SUGCT: variants seen among roughly 807,000 people sequenced by gnomAD.
SUGCT encodes the protein succinyl-CoA:glutarate-CoA transferase, also known as succinyl-CoA:glutarate CoA-transferase.
A neutral mutation model predicts 55.0 loss-of-function variants in SUGCT; 41 were observed. The ratio of observed to expected loss-of-function variants is 0.74; its 90% confidence interval spans 0.58 to 0.97. The LOEUF (loss-of-function observed/expected upper bound fraction) is 0.97, where lower values mean the gene tolerates loss of function less well. Ranked by LOEUF, SUGCT falls within the 50% of genes least tolerant of loss-of-function variation. SUGCT has a pLI of 0.00. For synonymous variants in SUGCT, 187 were observed against 200.4 expected (o/e 0.93, Z 0.56); for missense variants, 568 against 547.8 (o/e 1.04, Z -0.37).
At chr7:40,743,414 T>C (rs778114495) in intron 12 of SUGCT, among the ~76,000 whole-genome samples, 40 of 152,312 alleles carry the variant, frequency 2.6e-4, no homozygotes, top group Non-Finnish European at 5.7e-4. Flanking sequence ...ATTCAGTAAA[T>C]GTTAATTGAG....
At chr7:40,153,696 T>C (rs2150616238) in intron 1 of SUGCT, 1 of 504,378 alleles carries the variant, frequency 2.0e-6, no homozygotes, top group Non-Finnish European at 4.0e-6. Flanking sequence ...CGTTATATTC[T>C]GGTGATAATA....
chr7:40,688,960 A>G (rs1562947340), intron 12 of SUGCT, among the ~76,000 whole-genome samples: 1 of 152,186 alleles, frequency 6.6e-6, no homozygotes, highest in Non-Finnish European at 1.5e-5. Flanking sequence ...AAAGAAATGG[A>G]TGTGTGTAAA....
At chr7:40,271,754 GA>G (rs1206500874) in intron 7 of SUGCT, among the ~76,000 whole-genome samples, 6 of 151,892 alleles carry the variant, frequency 4.0e-5, no homozygotes, top group Non-Finnish European at 8.8e-5. Context: ...TCACCGTACT[GA>G]TCTACTGAAC....
chr7:40,375,389 G>A (rs1784492163), intron 9 of SUGCT, among the ~76,000 whole-genome samples: 1 of 152,166 alleles, frequency 6.6e-6, no homozygotes, highest in Non-Finnish European at 1.5e-5. Flanking sequence ...AGACTTGTCT[G>A]AGTCCAGTGG....
At chr7:40,844,708 C>T (rs1409009203) in intron 13 of SUGCT, among the ~76,000 whole-genome samples, 1 of 152,194 alleles carries the variant, frequency 6.6e-6, no homozygotes, top group Non-Finnish European at 1.5e-5. Context: ...GAGGGTGGGG[C>T]CCTCGCCAGG....
intron 8 of SUGCT, among the ~76,000 whole-genome samples, chr7:40,298,462 A>G (rs966762339): frequency 6.6e-6 from 1 of 152,172 alleles, no homozygotes; most frequent in African/African-American, 2.4e-5. Flanking sequence ...ATTTGTTCTT[A>G]GGACCTTGGA....
intron 12 of SUGCT, among the ~76,000 whole-genome samples, chr7:40,711,532 A>G (rs1409395480): frequency 6.6e-6 from 1 of 152,124 alleles, no homozygotes; most frequent in African/African-American, 2.4e-5. Context: ...AAAGCTGGAA[A>G]TCAGGATTTT....
chr7:40,644,531 A>G (rs995674009), intron 12 of SUGCT, among the ~76,000 whole-genome samples: 1 of 152,090 alleles, frequency 6.6e-6, no homozygotes, highest in African/African-American at 2.4e-5. Context: ...TAAACTTCCT[A>G]CAGCTGTGTT....
intron 11 of SUGCT, among the ~76,000 whole-genome samples, chr7:40,480,781 A>G (rs1447716384): frequency 6.6e-6 from 1 of 151,894 alleles, no homozygotes; most frequent in East Asian, 1.9e-4. Flanking sequence ...TACTGTTCAT[A>G]TAACTGAGTA....
the SUGCT span, among the ~76,000 whole-genome samples, chr7:41,014,644 A>G: frequency 2.6e-5 from 4 of 152,212 alleles, no homozygotes; most frequent in African/African-American, 4.8e-5. Context: ...AGAGGTGTCA[A>G]ATTCAACAAT....
At chr7:40,159,137 C>A (rs1475184607) in intron 1 of SUGCT, among the ~76,000 whole-genome samples, 2 of 152,208 alleles carry the variant, frequency 1.3e-5, no homozygotes, top group East Asian at 3.9e-4. Context: ...TGAGGCCGGT[C>A]TCCAATTCCT....
rs980762207 is a variant in SUGCT, at chr7:40,312,143, G to A, written c.721-4617G>A. The stretch of plus-strand genomic sequence containing the variant: ...CAACCTCTGCTTCCCGGGTTCAAGC[G>A]ATTCTCGTGCCTCAGCCTCCCGAGT... On this transcript the variant is annotated intron_variant, in intron 8 of 13. Coordinates refer to ENST00000335693, the MANE Select transcript of SUGCT (RefSeq NM_001193313.2). Among the ~76,000 whole-genome samples the A allele has an allele frequency of 4.0e-5, 6 of 151,588 alleles. No homozygotes were observed. In the East Asian group the frequency reaches 9.7e-4, roughly 25 times the overall value.
chr7:40,972,575 C>G, the SUGCT span, among the ~76,000 whole-genome samples: 7 of 152,186 alleles, frequency 4.6e-5, no homozygotes, highest in Non-Finnish European at 8.8e-5. Flanking sequence ...AGGGAATCTA[C>G]TTCTGCTTTG....
chr7:40,373,058 A>G (rs1784365673), intron 9 of SUGCT, among the ~76,000 whole-genome samples: 1 of 151,990 alleles, frequency 6.6e-6, no homozygotes, highest in Non-Finnish European at 1.5e-5. Context: ...CATAGTAGTA[A>G]TTATTACTAA....
intron 12 of SUGCT, among the ~76,000 whole-genome samples, chr7:40,723,764 A>G (rs1786470164): frequency 6.6e-6 from 1 of 152,192 alleles, no homozygotes; most frequent in East Asian, 1.9e-4. Flanking sequence ...ACTATATCCC[A>G]TTAATTCAGA....
chr7:40,629,247 T>C (rs1799672939), intron 12 of SUGCT, among the ~76,000 whole-genome samples: 1 of 152,220 alleles, frequency 6.6e-6, no homozygotes, highest in Non-Finnish European at 1.5e-5. Context: ...GAGAAAAACC[T>C]GTGTGCTGCT....
At chr7:40,745,297 A>G (rs986480444) in intron 12 of SUGCT, among the ~76,000 whole-genome samples, 1 of 152,146 alleles carries the variant, frequency 6.6e-6, no homozygotes, top group African/African-American at 2.4e-5. Flanking sequence ...CTCACTTTCC[A>G]TAAATATTTT....
chr7:40,955,602 C>T, the SUGCT span, among the ~76,000 whole-genome samples: 2 of 152,160 alleles, frequency 1.3e-5, no homozygotes, highest in Non-Finnish European at 2.9e-5. Flanking sequence ...GACTTCCTCT[C>T]TTCCTATTTG....
intron 1 of SUGCT, among the ~76,000 whole-genome samples, chr7:40,167,064 A>G (rs1326162317): frequency 6.6e-6 from 1 of 152,230 alleles, no homozygotes; most frequent in Non-Finnish European, 1.5e-5. Flanking sequence ...AGAAATGAAG[A>G]CATGTTCTCA....
Sources: allele counts gnomAD v4.1 joint callset (sites outside exome capture counted in the v4.1 genomes callset), GRCh38; gene constraint gnomAD v4.1.1; transcripts MANE v1.5; gene names NCBI Gene and HGNC (gene_info 2026-07-23, HGNC 2026-07-21).